SYNE3: variants seen among roughly 807,000 people sequenced by gnomAD.
SYNE3 encodes the protein nesprin-3.
Under a neutral mutation model 111.2 loss-of-function variants are expected in SYNE3, and 100 were observed. The ratio of observed to expected loss-of-function variants is 0.90; its 90% CI spans 0.77 to 1.06. The LOEUF (loss-of-function observed/expected upper bound fraction) is 1.06. SYNE3 is among the 50% of genes least tolerant of loss of function. SYNE3 has a pLI of 0.00. For synonymous variants in SYNE3, 547 were observed against 533.9 expected (o/e 1.02, Z -0.34); for missense variants, 1,160 against 1,240.3 (o/e 0.94, Z 0.97).
chr14:95,510,459 G>A (rs182047993), intron 1 of SYNE3, among the ~76,000 whole-genome samples: 1 of 152,332 alleles, frequency 6.6e-6, no homozygotes, highest in Non-Finnish European at 1.5e-5. Flanking sequence ...CAGAGGGAAG[G>A]CAGGAAGAAT....
In SYNE3 at chr14:95,440,006, G is replaced by A. The variant is rs145629361; in HGVS notation, c.1981C>T (p.Arg661Trp). Residue 661 changes from arginine (R) to tryptophan (W), a missense_variant, in exon 12 of 18, where the codon CGG becomes TGG. Coordinates refer to ENST00000682763, the MANE Select transcript of SYNE3 (RefSeq NM_152592.6). Reference protein sequence around the residue: ...CTFSHQLLELRQWIVVTTQKL... With the variant: ...CTFSHQLLELWQWIVVTTQKL... ...TGCGTGGTCACAACGATCCACTGCC[G>A]CAGCTCCAGCAGCTGGTGGCTGAAG... The A allele has an allele frequency of 7.4e-5, 120 of 1,612,468 alleles. No homozygotes were observed. The highest frequency in any genetic ancestry group is 3.3e-4 in the Middle Eastern group (2 of 6,080).
chr14:95,464,626 C>T (rs1402597176), intron 4 of SYNE3, among the ~76,000 whole-genome samples: 4 of 152,204 alleles, frequency 2.6e-5, no homozygotes, highest in African/African-American at 4.8e-5. Flanking sequence ...ATCTGGGAAC[C>T]CCCAAGCCAA....
At chr14:95,476,871 A>G (rs554727038) in intron 1 of SYNE3, among the ~76,000 whole-genome samples, 10 of 152,374 alleles carry the variant, frequency 6.6e-5, no homozygotes, top group African/African-American at 2.4e-4. Flanking sequence ...GCAAAACAAA[A>G]CCAGAAACAA....
Position 95,446,782 on chromosome 14 carries a change from G to A in SYNE3, c.1450-691C>T, listed in dbSNP as rs564078798. Among the ~76,000 whole-genome samples the A allele has an allele frequency of 1.1e-4, 17 of 152,196 alleles. No individual in the cohort carries two copies. In the East Asian group the frequency reaches 1.2e-3, roughly 10 times the overall value. ...GGCTGCCATATAGCCCGAACTCTGC[G>A]CAGCCCAGGCCCTACCTCCTCCAGG... is the stretch of plus-strand genomic sequence containing the variant. On this transcript the variant is annotated intron_variant, in intron 8 of 17. Transcript: ENST00000682763.
intron 7 of SYNE3, 195 bp downstream of exon 7, chr14:95,452,052 G>A (rs1887117225): frequency 7.0e-6 from 4 of 573,150 alleles, no homozygotes; most frequent in Non-Finnish European, 1.1e-5. Context: ...GCCTCTTTCT[G>A]GGAGCAAATG....
intron 1 of SYNE3, among the ~76,000 whole-genome samples, chr14:95,499,658 G>C (rs1318774085): frequency 2.6e-5 from 4 of 152,088 alleles, no homozygotes; most frequent in Non-Finnish European, 5.9e-5. Context: ...TCTTTTTGTA[G>C]ATAAAGAAGT....
intron 1 of SYNE3, among the ~76,000 whole-genome samples, chr14:95,510,521 T>C (rs179156): frequency 1 from 152,069 of 152,352 alleles, 75,900 homozygotes; most frequent in Middle Eastern, 1. Context: ...CAGCACTTGG[T>C]CGGGTTTGGT....
In SYNE3 at chr14:95,415,905, G is replaced by A. The variant is rs1292447648; in HGVS notation, c.*1921C>T. 1 of 152,350 alleles carries A rather than the reference G, an allele frequency of 6.6e-6. No homozygotes were observed. Among genetic ancestry groups the A allele is most frequent in the East Asian group, 1.9e-4 (1 of 5,188 alleles). 9.4% of individuals were successfully genotyped at this position (152,350 alleles called of 1,614,324 possible). ...AGCTATTTGGGAGGCTGAAGCAGGAGAATCGCTTGAATCTGGGAGGCGGAG... is the reference window on the plus strand; with the variant it reads ...AGCTATTTGGGAGGCTGAAGCAGGAAAATCGCTTGAATCTGGGAGGCGGAG... On this transcript the variant is annotated 3_prime_UTR_variant, in exon 18 of 18. Transcript: ENST00000682763.
At chr14:95,420,745 C>G (rs1182053156) in intron 17 of SYNE3, among the ~76,000 whole-genome samples, 1 of 151,002 alleles carries the variant, frequency 6.6e-6, no homozygotes, top group African/African-American at 2.5e-5. Flanking sequence ...CACACACAGA[C>G]ACACACATAC....
At chr14:95,477,259 T>C (rs1348227946) in intron 1 of SYNE3, among the ~76,000 whole-genome samples, 27 of 152,216 alleles carry the variant, frequency 1.8e-4, no homozygotes, top group Non-Finnish European at 1.5e-5. Context: ...CTGTGTGCAG[T>C]GGCCTTAGCC....
chr14:95,432,356 C>A (rs1885824369), intron 16 of SYNE3, among the ~76,000 whole-genome samples: 1 of 152,186 alleles, frequency 6.6e-6, no homozygotes, highest in Non-Finnish European at 1.5e-5. Context: ...CGGCGGGGGC[C>A]ATGGCCAACC....
intron 1 of SYNE3, among the ~76,000 whole-genome samples, chr14:95,503,794 T>A (rs1595261956): frequency 6.6e-6 from 1 of 152,044 alleles, no homozygotes; most frequent in African/African-American, 2.4e-5. Flanking sequence ...AATTTTCATA[T>A]ATTTTTTGTA....
chr14:95,450,131 T>C, intron 7 of SYNE3, 26 bp from the exon 8 acceptor site: 1 of 1,560,948 alleles, frequency 6.4e-7, no homozygotes, highest in Middle Eastern at 1.7e-4. Flanking sequence ...AGGGAGAAAA[T>C]GAGGGAGGAG....
rs183319605 is a variant in SYNE3, at chr14:95,488,234, C to T, written c.-14-12399G>A. 2.6e-3 allele frequency among the ~76,000 whole-genome samples: 395 copies of T among 152,246 alleles called. 1 individual carries two copies. Among genetic ancestry groups the T allele is most frequent in the African/African-American group, 8.7e-3 (363 of 41,540 alleles). On this transcript the variant is annotated intron_variant, in intron 1 of 17. Coordinates refer to ENST00000682763, the MANE Select transcript of SYNE3 (RefSeq NM_152592.6). ...GTGTGCAAGGGCCTGGTACCCCTAA[C>T]CCCTGCAATGTGCAAGGGTCAACTG...
At chr14:95,419,214 G>A (rs1884933687) in intron 17 of SYNE3, among the ~76,000 whole-genome samples, 1 of 152,134 alleles carries the variant, frequency 6.6e-6, no homozygotes, top group African/African-American at 2.4e-5. Flanking sequence ...CAGAGTGCAG[G>A]ACGAGCCCAG....
intron 1 of SYNE3, among the ~76,000 whole-genome samples, chr14:95,494,137 T>TA (rs201989207): frequency 0.011 from 949 of 84,746 alleles, 14 homozygotes; most frequent in African/African-American, 0.053. Context: ...CCCTGACTCT[T>TA]AAAAAAAAGA....
intron 9 of SYNE3, 24 bp from the exon 10 acceptor site, chr14:95,444,652 C>G: frequency 1.3e-6 from 2 of 1,557,550 alleles, no homozygotes; most frequent in Non-Finnish European, 1.7e-6. Context: ...GGACAGTGTG[C>G]ACATTAAGAG....
chr14:95,449,954 G>A lies in SYNE3; in HGVS notation c.1426C>T (p.His476Tyr). 6.4e-7 allele frequency: 1 copy of A among 1,554,748 alleles called. No homozygotes were observed. The highest frequency in any genetic ancestry group is 8.7e-7 in the Non-Finnish European group (1 of 1,148,848). ...ACCTCGATCTGGGGCAGGAAGGTGTGAAGGGAAGGCAGGTCCGGCAGGCTG... is the reference window on the plus strand; with the variant it reads ...ACCTCGATCTGGGGCAGGAAGGTGTAAAGGGAAGGCAGGTCCGGCAGGCTG... ...TASLPDLPSL[H>Y]TFLPQIEAAL... The change falls in exon 8 of 18, where the codon CAC (histidine) becomes TAC (tyrosine). Residue 476 changes from histidine to tyrosine, a missense_variant. Transcript: ENST00000682763.
intron 8 of SYNE3, chr14:95,449,511 G>A: frequency 5.1e-6 from 5 of 985,478 alleles, no homozygotes; most frequent in Non-Finnish European, 6.0e-6. Context: ...ACTACAAAGG[G>A]CTTGGTCCTG....
Sources: gnomAD v4.1 joint callset for allele counts (sites outside exome capture counted in the v4.1 genomes callset) on GRCh38, gnomAD v4.1.1 for gene constraint, MANE v1.5 for transcripts, NCBI Gene and HGNC (gene_info 2026-07-23, HGNC 2026-07-21) for gene names.